Variants in TRPM2 observed in about 807,000 individuals in gnomAD.
The protein encoded by TRPM2 is estrogen-responsive element-associated gene 1 protein.
TRPM2 carries 161 observed loss-of-function variants against 174.0 expected under a neutral mutation model. That is an observed-to-expected ratio of 0.93 (90% CI 0.81 to 1.05). TRPM2 has a LOEUF of 1.05. TRPM2 is among the 50% of genes least tolerant of loss of function. The pLI, the probability that TRPM2 is intolerant of heterozygous loss-of-function variation, is 0.00. For synonymous variants in TRPM2, 954 were observed against 861.3 expected (o/e 1.11, Z -1.88); for missense variants, 2,057 against 2,038.0 (o/e 1.01, Z -0.18).
At chr21:44,420,855 CT>C (rs990986638) in intron 22 of TRPM2, among the ~76,000 whole-genome samples, 1 of 152,234 alleles carries the variant, frequency 6.6e-6, no homozygotes, top group Non-Finnish European at 1.5e-5. Context: ...TCGCTCAACC[CT>C]TTTGCAGAGG....
In TRPM2 at chr21:44,437,286, C is replaced by T; in HGVS notation, c.4167+119C>T. On this transcript the variant is annotated intron_variant, in intron 29 of 31. Transcript: ENST00000397928. Reference sequence around the variant, plus strand: ...CCTGCAGCCCCCTGCAGCCCCTGGGCAGGGAGGGTTCGAGACCCCGCCTGT... The same window carrying T: ...CCTGCAGCCCCCTGCAGCCCCTGGGTAGGGAGGGTTCGAGACCCCGCCTGT... 5 of 966,212 alleles carry T rather than the reference C, an allele frequency of 5.2e-6. No individual in the cohort carries two copies. In the South Asian group the frequency reaches 7.4e-5, roughly 14 times the overall value. 59.9% of individuals were successfully genotyped at this position (966,212 alleles called of 1,614,324 possible).
intron 19 of TRPM2, among the ~76,000 whole-genome samples, 171 bp from the exon 20 acceptor site, chr21:44,413,720 C>A (rs778260042): frequency 2.0e-5 from 3 of 152,158 alleles, no homozygotes; most frequent in African/African-American, 7.2e-5. Flanking sequence ...GAGACAGATG[C>A]CTCTTTCTGG....
At chr21:44,440,669 G>T in intron 30 of TRPM2, 120 bp from the exon 31 acceptor site, 1 of 847,032 alleles carries the variant, frequency 1.2e-6, no homozygotes, top group Non-Finnish European at 2.0e-6. Context: ...GAGCTGGGCC[G>T]GGGTCCTGTG....
chr21:44,394,868 G>A (rs754788582), intron 11 of TRPM2, among the ~76,000 whole-genome samples: 7 of 152,138 alleles, frequency 4.6e-5, no homozygotes, highest in Non-Finnish European at 7.4e-5. Flanking sequence ...TCTGGGGAGC[G>A]TTTCCCAGCT....
In TRPM2 at chr21:44,364,231, C is replaced by G; in HGVS notation, c.372C>G (p.Thr124=). Residue 124 remains threonine (T), a synonymous_variant, in exon 3 of 32, where the codon ACC becomes ACG. Transcript: ENST00000397928. ...DPKKHVQEMP[T]DAFGDIVFTG... ...AGAAACATGTCCAGGAGATGCCAACCGATGCCTTTGGCGACATCGTCTTCA... is the reference window on the plus strand; with the variant it reads ...AGAAACATGTCCAGGAGATGCCAACGGATGCCTTTGGCGACATCGTCTTCA... The G allele has an allele frequency of 6.2e-7, 1 of 1,614,216 alleles. No individual in the cohort carries two copies. Among genetic ancestry groups the G allele is most frequent in the East Asian group, 2.2e-5 (1 of 44,888 alleles).
At chr21:44,425,308 T>A (rs1306759293) in intron 24 of TRPM2, 11 of 390,440 alleles carry the variant, frequency 2.8e-5, no homozygotes, top group Non-Finnish European at 4.6e-5. Flanking sequence ...TTTCCTAAAT[T>A]CGCAGCCGGC....
At chr21:44,441,601 G>T (rs2051506730) in intron 31 of TRPM2, 91 bp from the exon 32 acceptor site, 9 of 1,446,282 alleles carry the variant, frequency 6.2e-6, no homozygotes, top group Non-Finnish European at 8.2e-6. Context: ...GGGTGTGCAG[G>T]CCCCAAGCCC....
chr21:44,379,108 A>G lies in TRPM2; in HGVS notation c.1126A>G (p.Ile376Val), dbSNP rs761827989. The G allele has an allele frequency of 3.1e-6, 5 of 1,613,466 alleles. No homozygotes were observed. Among genetic ancestry groups the G allele is most frequent in the Non-Finnish European group, 4.2e-6 (5 of 1,180,020 alleles). The change falls in exon 8 of 32, where the codon ATC becomes GTC. Residue 376 changes from isoleucine to valine, a missense_variant. Transcript: ENST00000397928. The stretch of plus-strand genomic sequence containing the variant: ...CAACCTGCCTGTCTCGGACATCACT[A>G]TCTCCCTGATCCAGCAGAAACTGAG... ...VANLPVSDIT[I>V]SLIQQKLSVF...
chr21:44,419,434 G>T (rs1034222512), intron 22 of TRPM2, among the ~76,000 whole-genome samples: 3 of 151,830 alleles, frequency 2.0e-5, no homozygotes, highest in Non-Finnish European at 4.4e-5. Context: ...TGACTGTAAA[G>T]AATTGAGCAC....
intron 27 of TRPM2, among the ~76,000 whole-genome samples, chr21:44,434,141 G>A (rs1185885280): frequency 6.6e-6 from 1 of 152,182 alleles, no homozygotes; most frequent in Non-Finnish European, 1.5e-5. Context: ...ATGAGGGGTG[G>A]GTCAGAGGCT....
intron 22 of TRPM2, among the ~76,000 whole-genome samples, chr21:44,419,900 G>A (rs1228212427): frequency 9.9e-6 from 1 of 100,896 alleles, no homozygotes; most frequent in Non-Finnish European, 2.2e-5. Flanking sequence ...GATGGTAATG[G>A]TGATGGTGAC....
intron 20 of TRPM2, chr21:44,415,216 G>A (rs2050238475): frequency 7.1e-6 from 1 of 140,834 alleles, no homozygotes; most frequent in Non-Finnish European, 1.5e-5. Context: ...TGGTGTTTGT[G>A]GCATCTGTGG....
Position 44,437,267 on chromosome 21 carries a change from GCCCCCTGCAGC to G in TRPM2, c.4167+104_4167+114del, listed in dbSNP as rs201677817. 3,297 of 1,107,802 alleles carry G rather than the reference GCCCCCTGCAGC, an allele frequency of 3.0e-3. 74 individuals carry two copies. In the African/African-American group the frequency reaches 0.045, roughly 15 times the overall value. The allele number at this position is 1,107,802 out of a possible 1,614,324, so 68.6% of individuals were successfully genotyped here. Reference sequence around the variant, plus strand: ...ACGGACTGGACACCAGCCCCCTGCAGCCCCCTGCAGCCCCTGGGCAGGGAGGGTTCGAGACC... The same window carrying G: ...ACGGACTGGACACCAGCCCCCTGCAGCCCTGGGCAGGGAGGGTTCGAGACC... On this transcript the variant is annotated intron_variant, in intron 29 of 31. Coordinates refer to ENST00000397928, the MANE Select transcript of TRPM2 (RefSeq NM_003307.4).
intron 2 of TRPM2, among the ~76,000 whole-genome samples, chr21:44,356,592 C>T (rs2048071576): frequency 6.7e-6 from 1 of 148,766 alleles, no homozygotes; most frequent in Non-Finnish European, 1.5e-5. Context: ...AGTGCAATGG[C>T]ATGATCTTGG....
chr21:44,373,057 T>A (rs540276443), intron 5 of TRPM2, among the ~76,000 whole-genome samples: 1 of 152,344 alleles, frequency 6.6e-6, no homozygotes, highest in East Asian at 1.9e-4. Context: ...AAAAGGGCTC[T>A]GCAGACCTTT....
intron 31 of TRPM2, 103 bp downstream of exon 31, chr21:44,441,008 C>T: frequency 2.0e-6 from 2 of 981,748 alleles, no homozygotes; most frequent in Non-Finnish European, 3.2e-6. Context: ...TGGATTCTGG[C>T]AGGCTGAACT....
At chr21:44,410,467 A>G (rs530494642) in intron 19 of TRPM2, among the ~76,000 whole-genome samples, 15 of 51,052 alleles carry the variant, frequency 2.9e-4, no homozygotes, top group East Asian at 7.5e-4. Context: ...TGTCTTGGTG[A>G]GCGTAGCCTT....
At chr21:44,414,475 C>T (rs1400517887) in intron 20 of TRPM2, 14 of 197,082 alleles carry the variant, frequency 7.1e-5, no homozygotes, top group South Asian at 1.0e-4. Flanking sequence ...GTGCTGGGGC[C>T]GCTGCTGCTC....
chr21:44,425,802 T>C lies in TRPM2; in HGVS notation c.3770T>C (p.Val1257Ala), dbSNP rs954732932. Reference sequence around the variant, plus strand: ...AACTGCCCTGTCACGCGCTTCCCCGTGCCCAACGAGAAGGTGCCCTGGGAG... The same window carrying C: ...AACTGCCCTGTCACGCGCTTCCCCGCGCCCAACGAGAAGGTGCCCTGGGAG... The part of the protein sequence containing the change: ...YPNCPVTRFP[V>A]PNEKVPWETE... The change falls in exon 25 of 32, where the codon GTG becomes GCG. Residue 1257 changes from valine (V) to alanine (A), a missense_variant. By Grantham distance (64) the Val-to-Ala change is moderately conservative. Coordinates refer to ENST00000397928, the MANE Select transcript of TRPM2 (RefSeq NM_003307.4). The C allele has an allele frequency of 7.0e-6, 11 of 1,580,460 alleles. No individual in the cohort carries two copies. The highest frequency in any genetic ancestry group is 9.5e-6 in the Non-Finnish European group (11 of 1,155,586).
Sources: gnomAD v4.1 joint callset for allele counts (sites outside exome capture counted in the v4.1 genomes callset) on GRCh38, gnomAD v4.1.1 for gene constraint, MANE v1.5 for transcripts, NCBI Gene and HGNC (gene_info 2026-07-23, HGNC 2026-07-21) for gene names.